Variants in KLHL20 observed in about 807,000 individuals in gnomAD.
The protein encoded by KLHL20 is kelch like family member 20, also known as kelch-like protein 20.
A neutral mutation model predicts 69.5 loss-of-function variants in KLHL20; 29 were observed. The ratio of observed to expected loss-of-function variants is 0.42; its 90% CI spans 0.31 to 0.57. The LOEUF (loss-of-function observed/expected upper bound fraction) is 0.57. KLHL20 is among the 20% of genes least tolerant of loss of function. KLHL20 has a pLI of 0.18. For synonymous variants in KLHL20, 253 were observed against 265.2 expected (o/e 0.95, Z 0.45); for missense variants, 419 against 776.0 (o/e 0.54, Z 5.47).
At chr1:173,734,958 T>C (rs1470150665) in intron 3 of KLHL20, among the ~76,000 whole-genome samples, 1 of 151,994 alleles carries the variant, frequency 6.6e-6, no homozygotes, top group African/African-American at 2.4e-5. Context: ...GATTTAAGAG[T>C]GTATTACAGA....
chr1:173,752,402 T>C (rs1224354208), intron 4 of KLHL20, among the ~76,000 whole-genome samples: 4 of 152,236 alleles, frequency 2.6e-5, no homozygotes, highest in Non-Finnish European at 5.9e-5. Flanking sequence ...GTGGGCTTTT[T>C]GCTCCTTTGC....
At chr1:173,734,913 C>T (rs902579004) in intron 3 of KLHL20, among the ~76,000 whole-genome samples, 5 of 152,042 alleles carry the variant, frequency 3.3e-5, no homozygotes, top group Admixed American at 6.5e-5. Context: ...TAATTAACTA[C>T]AGTTAATGGG....
intron 5 of KLHL20, among the ~76,000 whole-genome samples, chr1:173,755,044 G>T (rs1571901562): frequency 6.6e-6 from 1 of 150,642 alleles, no homozygotes; most frequent in East Asian, 2.0e-4. Flanking sequence ...GCTATTAGGA[G>T]ATCAAAGTCT....
intron 2 of KLHL20, among the ~76,000 whole-genome samples, chr1:173,727,419 G>C (rs981744954): frequency 5.3e-5 from 8 of 152,178 alleles, no homozygotes; most frequent in African/African-American, 1.2e-4. Flanking sequence ...GATACTCCTT[G>C]AGAAGAGCAA....
At chr1:173,764,201 C>T (rs1450987864) in intron 7 of KLHL20, among the ~76,000 whole-genome samples, 1 of 152,026 alleles carries the variant, frequency 6.6e-6, no homozygotes, top group Non-Finnish European at 1.5e-5. Context: ...CAAGGATGGC[C>T]ATAATAAAAA....
intron 3 of KLHL20, among the ~76,000 whole-genome samples, chr1:173,747,277 G>A (rs559854683): frequency 6.6e-6 from 1 of 151,888 alleles, no homozygotes; most frequent in African/African-American, 2.4e-5. Flanking sequence ...GTGTGTTAAA[G>A]TCTCTTATTA....
In KLHL20 at chr1:173,733,709, A is replaced by G. The variant is rs751488804; in HGVS notation, c.24-4A>G. On this transcript the variant is annotated splice_region_variant and splice_polypyrimidine_tract_variant and intron_variant, in intron 2 of 11. Coordinates refer to ENST00000209884, the MANE Select transcript of KLHL20 (RefSeq NM_014458.4). Reference sequence around the variant, plus strand: ...CTTCTCTCTCTCCCCCATCATTCCTATAGGTGTACCAACATTCGACCAGGA... The same window carrying G: ...CTTCTCTCTCTCCCCCATCATTCCTGTAGGTGTACCAACATTCGACCAGGA... 6.2e-6 allele frequency: 10 copies of G among 1,606,328 alleles called. No individual in the cohort carries two copies. The highest frequency in any genetic ancestry group is 1.7e-4 in the Middle Eastern group (1 of 6,046).
intron 2 of KLHL20, 109 bp downstream of exon 2, chr1:173,716,175 A>G: frequency 1.0e-6 from 1 of 958,422 alleles, no homozygotes. Context: ...CTTGGAACTA[A>G]TGAGTCTTGT....
At chr1:173,742,147 C>G (rs954472536) in intron 3 of KLHL20, among the ~76,000 whole-genome samples, 1 of 152,074 alleles carries the variant, frequency 6.6e-6, no homozygotes, top group African/African-American at 2.4e-5. Context: ...TTTAAAATAA[C>G]TAAAACACAA....
chr1:173,722,888 C>T (rs1671779664), intron 2 of KLHL20, among the ~76,000 whole-genome samples: 1 of 152,030 alleles, frequency 6.6e-6, no homozygotes, highest in Non-Finnish European at 1.5e-5. Flanking sequence ...TGGAGCCTCA[C>T]CATGTTGGCC....
chr1:173,755,674 C>T (rs1053753141), intron 5 of KLHL20, among the ~76,000 whole-genome samples: 8 of 152,112 alleles, frequency 5.3e-5, no homozygotes, highest in Non-Finnish European at 8.8e-5. Context: ...TGGCTGTAAG[C>T]ATGTTGAGCT....
chr1:173,784,539 A>T (rs1303856221), intron 11 of KLHL20, among the ~76,000 whole-genome samples: 1 of 152,244 alleles, frequency 6.6e-6, no homozygotes, highest in Non-Finnish European at 1.5e-5. Flanking sequence ...TTGAAAGATT[A>T]ATAACTAAAT....
intron 2 of KLHL20, among the ~76,000 whole-genome samples, chr1:173,730,388 C>A (rs1672208002): frequency 6.6e-6 from 1 of 151,838 alleles, no homozygotes; most frequent in African/African-American, 2.4e-5. Context: ...TCATATGGAA[C>A]CAAAAAAGAG....
intron 5 of KLHL20, among the ~76,000 whole-genome samples, chr1:173,755,669 G>A (rs1673520759): frequency 1.3e-5 from 2 of 152,196 alleles, no homozygotes; most frequent in Non-Finnish European, 2.9e-5. Flanking sequence ...ATTGTTGGCT[G>A]TAAGCATGTT....
chr1:173,731,537 A>G (rs1375982733), intron 2 of KLHL20, among the ~76,000 whole-genome samples: 1 of 152,246 alleles, frequency 6.6e-6, no homozygotes, highest in Non-Finnish European at 1.5e-5. Context: ...CTATGCAGCC[A>G]TAAAAAATGA....
intron 10 of KLHL20, chr1:173,781,854 G>C (rs765326167): frequency 3.6e-6 from 1 of 275,940 alleles, no homozygotes; most frequent in Non-Finnish European, 6.9e-6. Flanking sequence ...GCAGTTTGGA[G>C]GTTGTTTGCT....
chr1:173,715,221 G>C (rs1383665468), intron 1 of KLHL20, 143 bp downstream of exon 1: 3 of 152,412 alleles, frequency 2.0e-5, no homozygotes, highest in Non-Finnish European at 4.4e-5. Flanking sequence ...GAGACTGTTG[G>C]GGCGCTGGGG....
chr1:173,754,882 G>T (rs1220261438), intron 5 of KLHL20, among the ~76,000 whole-genome samples: 1 of 152,068 alleles, frequency 6.6e-6, no homozygotes. Flanking sequence ...TAAGGCTGTT[G>T]TGAAGATTAA....
intron 11 of KLHL20, among the ~76,000 whole-genome samples, chr1:173,784,071 T>G (rs1040115082): frequency 2.6e-5 from 4 of 152,092 alleles, no homozygotes; most frequent in Non-Finnish European, 1.5e-5. Flanking sequence ...AGAGCAAGAC[T>G]CCGTCTCAAA....
Sources: allele counts gnomAD v4.1 joint callset (sites outside exome capture counted in the v4.1 genomes callset), GRCh38; gene constraint gnomAD v4.1.1; transcripts MANE v1.5; gene names NCBI Gene and HGNC (gene_info 2026-07-23, HGNC 2026-07-21).